TTLL4: variants seen among roughly 807,000 people sequenced by gnomAD.
The protein encoded by TTLL4 is tubulin monoglutamylase TTLL4.
In TTLL4, 85 loss-of-function variants were observed where a neutral mutation model predicts 122.7. That is an observed-to-expected ratio of 0.69 (90% confidence interval 0.58 to 0.83). TTLL4 has a LOEUF of 0.83. Ranked by LOEUF, TTLL4 falls within the 40% of genes least tolerant of loss-of-function variation. The pLI is 0.00. For missense variants in TTLL4, 1,363 were observed against 1,488.6 expected, an observed-to-expected ratio of 0.92 and a Z score of 1.39; for synonymous variants, 553 against 563.0, an observed-to-expected ratio of 0.98 and a Z score of 0.25.
chr2:218,751,765 A>T lies in TTLL4; in HGVS notation c.2935A>T (p.Met979Leu). ...TCCAGAGCATGTCACTGCACAGAAG[A>T]TGAAGAAAGCCTATTATCTGACCCA... Reference protein sequence around the residue: ...MAPEHVTAQKMKKAYYLTQKI... With the variant: ...MAPEHVTAQKLKKAYYLTQKI... The change falls in exon 16 of 20, where the codon ATG becomes TTG. Residue 979 changes from methionine (M) to leucine (L), a missense_variant. This residue lies in a region of TTLL4 where 596 missense variants were observed against 655.8 expected (regional missense o/e 0.91). Coordinates refer to ENST00000392102, the MANE Select transcript of TTLL4 (RefSeq NM_014640.5). The T allele has an allele frequency of 6.2e-7, 1 of 1,613,620 alleles. No homozygotes were observed. Among genetic ancestry groups the T allele is most frequent in the Non-Finnish European group, 8.5e-7 (1 of 1,179,690 alleles).
downstream of TTLL4, among the ~76,000 whole-genome samples, chr2:218,759,584 G>A (rs1943203235): frequency 6.6e-6 from 1 of 152,174 alleles, no homozygotes; most frequent in Non-Finnish European, 1.5e-5. Flanking sequence ...AGACTGTAGA[G>A]GGCATGGTGG....
intron 19 of TTLL4, 73 bp from the exon 20 acceptor site, chr2:218,754,061 G>A: frequency 6.3e-7 from 1 of 1,592,770 alleles, no homozygotes; most frequent in Non-Finnish European, 8.6e-7. Context: ...GCTCCAGACT[G>A]AAGGCAAATC....
intron 1 of TTLL4, among the ~76,000 whole-genome samples, chr2:218,713,598 T>C (rs1941776401): frequency 6.6e-6 from 1 of 152,178 alleles, no homozygotes. Flanking sequence ...ACCTTATATG[T>C]AAGGAACACA....
intron 1 of TTLL4, among the ~76,000 whole-genome samples, chr2:218,716,383 TAATC>T (rs1941858694): frequency 6.6e-6 from 1 of 152,246 alleles, no homozygotes; most frequent in Admixed American, 6.5e-5. Context: ...GCTTTAGAGA[TAATC>T]AACATGTTCT....
chr2:218,736,825 T>C (rs1380450674), intron 2 of TTLL4, among the ~76,000 whole-genome samples: 2 of 151,276 alleles, frequency 1.3e-5, no homozygotes, highest in African/African-American at 2.4e-5. Context: ...GAGCAGTAGA[T>C]GTAAAATGAG....
At chr2:218,711,883 C>CCTTTTTTTTTTTTTTTTTTTT (rs1941716972) in intron 1 of TTLL4, among the ~76,000 whole-genome samples, 1 of 149,640 alleles carries the variant, frequency 6.7e-6, no homozygotes, top group East Asian at 1.9e-4. Flanking sequence ...ATCACCTATT[C>CCTTTTTTTTTTTTTTTTTTTT]TTTAACTGCA....
chr2:218,758,737 G>C (rs1281703614), downstream of TTLL4, among the ~76,000 whole-genome samples: 1 of 152,168 alleles, frequency 6.6e-6, no homozygotes, highest in Non-Finnish European at 1.5e-5. Flanking sequence ...GGTGCTGATG[G>C]GAATGCAAAA....
chr2:218,747,506 T>C lies in TTLL4; in HGVS notation c.2250-91T>C. 1 of 1,579,392 alleles carries C rather than the reference T, an allele frequency of 6.3e-7. No homozygotes were observed. The highest frequency in any genetic ancestry group is 1.2e-5 in the South Asian group (1 of 86,630). ...GCCAACTGTTCTAAGGTCTTTATCTTGGGGACTGTTAGCTGGCTTTTCCTG... is the reference window on the plus strand; with the variant it reads ...GCCAACTGTTCTAAGGTCTTTATCTCGGGGACTGTTAGCTGGCTTTTCCTG... On this transcript the variant is annotated intron_variant, in intron 10 of 19. Transcript: ENST00000392102. This position sits in a 1 kb window ranked among gnomAD's most constrained non-coding sequence, Gnocchi z 4.7.
Position 218,747,522 on chromosome 2 carries a change from G to C in TTLL4, c.2250-75G>C. ...TCTTTATCTTGGGGACTGTTAGCTG[G>C]CTTTTCCTGTGGCTTGGTTACCCAC... On this transcript the variant is annotated intron_variant, in intron 10 of 19. Coordinates refer to ENST00000392102, the MANE Select transcript of TTLL4 (RefSeq NM_014640.5). The surrounding 1 kb of genome is among the most constrained non-coding windows in gnomAD (Gnocchi z 4.7). 1 of 1,590,016 alleles carries C rather than the reference G, an allele frequency of 6.3e-7. No individual in the cohort carries two copies. Among genetic ancestry groups the C allele is most frequent in the Non-Finnish European group, 8.6e-7 (1 of 1,167,232 alleles).
At chr2:218,752,651 T>G (rs1575185251) in intron 16 of TTLL4, 112 bp from the exon 17 acceptor site, 6 of 1,097,368 alleles carry the variant, frequency 5.5e-6, no homozygotes, top group Non-Finnish European at 5.4e-6. Flanking sequence ...TCCATGAGAG[T>G]CCCGGAGCTG....
chr2:218,746,292 A>G, intron 8 of TTLL4, 61 bp downstream of exon 8: 1 of 1,537,642 alleles, frequency 6.5e-7, no homozygotes. Flanking sequence ...GAGGAGGGGG[A>G]TGATGTGAGT....
intron 14 of TTLL4, 143 bp downstream of exon 14, chr2:218,749,530 G>A (rs958369714): frequency 2.2e-5 from 28 of 1,258,850 alleles, no homozygotes; most frequent in South Asian, 7.8e-5. Context: ...GTGCAGTGGC[G>A]CAATCTTGGC....
chr2:218,722,659 C>T (rs904047577), intron 1 of TTLL4, among the ~76,000 whole-genome samples: 1 of 152,120 alleles, frequency 6.6e-6, no homozygotes, highest in African/African-American at 2.4e-5. Flanking sequence ...ATCACATAGT[C>T]CTGGAAGCCA....
chr2:218,750,064 C>G lies in TTLL4; in HGVS notation c.2791C>G (p.Leu931Val). 6.2e-7 allele frequency: 1 copy of G among 1,614,104 alleles called. No homozygotes were observed. Among genetic ancestry groups the G allele is most frequent in the Non-Finnish European group, 8.5e-7 (1 of 1,179,948 alleles). ...ISIKGQMIRD[L>V]LNLAGFVLPN... ...CATCAAAGGCCAGATGATTCGTGAC[C>G]TTCTGAATCTGGCAGGTTTTGTCCT... Residue 931 changes from leucine (L) to valine (V), a missense_variant, in exon 15 of 20, where the codon CTT (leucine) becomes GTT (valine). Leu to Val is a conservative substitution (Grantham distance 32). Coordinates refer to ENST00000392102, the MANE Select transcript of TTLL4 (RefSeq NM_014640.5).
At chr2:218,717,621 C>A (rs193045979) in intron 1 of TTLL4, among the ~76,000 whole-genome samples, 1 of 152,170 alleles carries the variant, frequency 6.6e-6, no homozygotes, top group Non-Finnish European at 1.5e-5. Context: ...TATACGGACC[C>A]ACCCTTCTCA....
At chr2:218,740,607 T>C (rs778928748) in intron 5 of TTLL4, 23 bp downstream of exon 5, 3 of 1,612,766 alleles carry the variant, frequency 1.9e-6, no homozygotes, top group Non-Finnish European at 2.5e-6. Context: ...GTATAGATCA[T>C]TGTTACATGC....
chr2:218,756,856 T>C (rs1320290828), downstream of TTLL4, among the ~76,000 whole-genome samples: 1 of 152,196 alleles, frequency 6.6e-6, no homozygotes, highest in East Asian at 1.9e-4. Flanking sequence ...AGGAGGGCAG[T>C]CACTGCTGTT....
chr2:218,737,463 A>G, intron 2 of TTLL4, 116 bp from the exon 3 acceptor site: 1 of 512,910 alleles, frequency 1.9e-6, no homozygotes, highest in Non-Finnish European at 3.4e-6. Context: ...ATGACGACCA[A>G]GACTGGTTGC....
At chr2:218,718,481 C>T (rs1203066381) in intron 1 of TTLL4, among the ~76,000 whole-genome samples, 9 of 151,874 alleles carry the variant, frequency 5.9e-5, no homozygotes, top group African/African-American at 1.9e-4. Context: ...CAGGTTCAAG[C>T]GATTCTCCTG....
Sources: gnomAD v4.1 joint callset for allele counts (sites outside exome capture counted in the v4.1 genomes callset) on GRCh38, gnomAD v4.1.1 for gene constraint, gnomAD v4.1.1 regional missense constraint, Gnocchi (gnomAD v3.1) non-coding constraint, MANE v1.5 for transcripts, NCBI Gene and HGNC (gene_info 2026-07-23, HGNC 2026-07-21) for gene names.